Variants in C5 observed in about 807,000 individuals in gnomAD.
C5 encodes C3 and PZP-like alpha-2-macroglobulin domain-containing protein 4.
A neutral mutation model predicts 218.8 loss-of-function variants in C5; 140 were observed. That is an observed-to-expected ratio of 0.64 (90% CI 0.56 to 0.74). The LOEUF (loss-of-function observed/expected upper bound fraction) is 0.74. Ranked by LOEUF, C5 falls within the 30% of genes least tolerant of loss-of-function variation. The pLI is 0.00. For missense variants in C5, 1,700 were observed against 1,969.6 expected (o/e 0.86, Z 2.59); for synonymous variants, 614 against 682.3 (o/e 0.90, Z 1.56).
intron 20 of C5, among the ~76,000 whole-genome samples, chr9:120,998,038 G>C (rs1399562723): frequency 6.6e-6 from 1 of 152,034 alleles, no homozygotes; most frequent in African/African-American, 2.4e-5. Flanking sequence ...CCTGATCTCA[G>C]GTGATCCGCC....
chr9:121,065,713 C>T, the C5 span, among the ~76,000 whole-genome samples: 2 of 152,150 alleles, frequency 1.3e-5, no homozygotes, highest in Admixed American at 1.3e-4. Context: ...GTCTGGACCT[C>T]CTGAGCTCAA....
At chr9:120,989,178 G>C in intron 24 of C5, 57 bp from the exon 25 acceptor site, 1 of 1,367,868 alleles carries the variant, frequency 7.3e-7, no homozygotes, top group Non-Finnish European at 1.0e-6. Context: ...TCTACTCAAA[G>C]AACACTTTAT....
In C5 at chr9:120,991,393, A is replaced by G. The variant is rs1042339590; in HGVS notation, c.2852-113T>C. 3 of 694,648 alleles carry G rather than the reference A, an allele frequency of 4.3e-6. No homozygotes were observed. The African/African-American group carries it at 5.5e-5, about 13-fold the overall frequency. 43.0% of individuals were successfully genotyped at this position (694,648 alleles called of 1,614,324 possible). A position where few individuals can be genotyped will look rare whatever the true frequency, so the allele number is the denominator to read the frequency against. On this transcript the variant is annotated intron_variant, in intron 22 of 40. Transcript: ENST00000223642. ...ATTTCAAAATAAAAGACTTATAATT[A>G]GACTATTAAAATTTTAAAAGAAAGT...
At chr9:121,030,044 G>T (rs978662364) in intron 7 of C5, among the ~76,000 whole-genome samples, 16 of 152,202 alleles carry the variant, frequency 1.1e-4, no homozygotes, top group Non-Finnish European at 2.1e-4. Context: ...AAGTAGTTAC[G>T]CAGCATTAGC....
Position 120,976,908 on chromosome 9 carries a change from G to C in C5, c.3659-3C>G. On this transcript the variant is annotated splice_polypyrimidine_tract_variant and splice_region_variant and intron_variant, in intron 28 of 40. Transcript: ENST00000223642. ...AAAACGATAAATGGGTGGATTACCT[G>C]AACATCAACAAATTCCATTCATTAA... 1 of 1,610,030 alleles carries C rather than the reference G, an allele frequency of 6.2e-7. No homozygotes were observed.
chr9:120,975,319 G>A (rs891990116), intron 29 of C5, among the ~76,000 whole-genome samples: 4 of 152,100 alleles, frequency 2.6e-5, no homozygotes, highest in African/African-American at 9.7e-5. Flanking sequence ...TCTGTTTTAA[G>A]GTTCCCTTTT....
In C5 at chr9:120,961,543, A is replaced by G. The variant is rs1382773804; in HGVS notation, c.4527T>C (p.Tyr1509=). The G allele has an allele frequency of 1.2e-6, 2 of 1,612,216 alleles. No homozygotes were observed. The highest frequency in any genetic ancestry group is 8.5e-7 in the Non-Finnish European group (1 of 1,178,350). ...HRPDKQCTMF[Y]STSNIKIQKV... is the part of the protein sequence containing the mutation. ...TCTGAATTTTGATATTGGAAGTGCT[A>G]TAAAACATGGTACACTGTTTATCTG... Residue 1509 remains tyrosine (Y), a synonymous_variant, in exon 37 of 41, where the codon TAT becomes TAC. Transcript: ENST00000223642.
At chr9:120,970,651 G>A (rs945053606) in intron 31 of C5, among the ~76,000 whole-genome samples, 13 of 152,166 alleles carry the variant, frequency 8.5e-5, no homozygotes, top group Non-Finnish European at 1.3e-4. Flanking sequence ...CAAATTATAG[G>A]TGTGTATGAA....
chr9:121,072,205 T>C, the C5 span, among the ~76,000 whole-genome samples: 1 of 152,158 alleles, frequency 6.6e-6, no homozygotes, highest in Admixed American at 6.5e-5. Context: ...GGATACGGAC[T>C]GAGAGATCAC....
At chr9:120,984,743 A>T in intron 25 of C5, among the ~76,000 whole-genome samples, 1 of 105,608 alleles carries the variant, frequency 9.5e-6, no homozygotes, top group East Asian at 3.0e-4. Flanking sequence ...TTTTTTTCAG[A>T]CGGACTCTCT....
intron 4 of C5, among the ~76,000 whole-genome samples, chr9:121,037,123 A>G (rs1327329470): frequency 6.6e-6 from 1 of 152,004 alleles, no homozygotes; most frequent in Non-Finnish European, 1.5e-5. Flanking sequence ...TGATTTAGCA[A>G]GATTTTTTGT....
At chr9:121,021,949 T>A (rs41309030) in intron 10 of C5, among the ~76,000 whole-genome samples, 1,906 of 151,904 alleles carry the variant, frequency 0.013, 40 homozygotes, top group African/African-American at 0.044. Context: ...GCCTCCCAAG[T>A]AGCTGGAACT....
chr9:121,067,360 A>C, the C5 span, among the ~76,000 whole-genome samples: 4 of 151,952 alleles, frequency 2.6e-5, no homozygotes, highest in African/African-American at 4.8e-5. Context: ...CAAGAGATTG[A>C]GACCATCCTG....
At chr9:121,032,074 A>G (rs535318145) in intron 6 of C5, 39 bp downstream of exon 6, 12 of 1,340,420 alleles carry the variant, frequency 9.0e-6, no homozygotes, top group Non-Finnish European at 1.3e-5. Flanking sequence ...AAAACAAAAA[A>G]CAAAAAGCAA....
At chr9:121,008,628 G>A in intron 17 of C5, 130 bp from the exon 18 acceptor site, 1 of 730,250 alleles carries the variant, frequency 1.4e-6, no homozygotes, top group Non-Finnish European at 2.4e-6. Context: ...TTTGTTTAAT[G>A]CTTCCAAAAT....
the C5 span, among the ~76,000 whole-genome samples, chr9:121,060,233 G>C: frequency 6.6e-6 from 1 of 152,128 alleles, no homozygotes; most frequent in Non-Finnish European, 1.5e-5. Flanking sequence ...AGCGCCACCT[G>C]CTGGTATTAA....
chr9:121,023,431 C>T lies in C5; in HGVS notation c.1089G>A (p.Leu363=). Residue 363 remains leucine, a synonymous_variant, in exon 10 of 41, where the codon CTG becomes CTA. Coordinates refer to ENST00000223642, the MANE Select transcript of C5 (RefSeq NM_001735.3). ...TGATGGGATATGGAATCCCAGGCTT[C>T]AGGAAAAGAGGAGTAGCAACCAAAT... is the stretch of plus-strand genomic sequence containing the variant. The part of the protein sequence containing the change: ...KLNLVATPLF[L]KPGIPYPIKV... 6.2e-7 allele frequency: 1 copy of T among 1,612,204 alleles called. No homozygotes were observed. The highest frequency in any genetic ancestry group is 8.5e-7 in the Non-Finnish European group (1 of 1,178,290).
chr9:121,046,043 A>G, intron 2 of C5, 148 bp downstream of exon 2: 1 of 419,208 alleles, frequency 2.4e-6, no homozygotes, highest in Non-Finnish European at 4.2e-6. Context: ...TTTCACTTAC[A>G]TTATCATTAG....
chr9:120,991,764 A>T (rs148863282), intron 22 of C5, among the ~76,000 whole-genome samples: 1 of 152,190 alleles, frequency 6.6e-6, no homozygotes, highest in African/African-American at 2.4e-5. Context: ...GCATACTGGT[A>T]TCAGATAATT....
Sources: gnomAD v4.1 joint callset for allele counts (sites outside exome capture counted in the v4.1 genomes callset) on GRCh38, gnomAD v4.1.1 for gene constraint, MANE v1.5 for transcripts, NCBI Gene and HGNC (gene_info 2026-07-23, HGNC 2026-07-21) for gene names.